Variants in EXOC4 observed in about 807,000 individuals in gnomAD.
EXOC4 encodes exocyst complex component 4.
In EXOC4, 71 loss-of-function variants were observed where a neutral mutation model predicts 107.2. That is an observed-to-expected ratio of 0.66 (90% CI 0.55 to 0.81). The LOEUF is 0.81. Among genes scored for constraint, EXOC4 ranks in the 30% least tolerant of loss-of-function variants. The pLI, the probability that EXOC4 is intolerant of heterozygous loss-of-function variation, is 0.00. For missense variants in EXOC4, 1,108 were observed against 1,189.6 expected, an observed-to-expected ratio of 0.93 and a Z score of 1.01; for synonymous variants, 456 against 441.2, an observed-to-expected ratio of 1.03 and a Z score of -0.42.
intron 14 of EXOC4, among the ~76,000 whole-genome samples, chr7:133,948,587 C>T (rs184782711): frequency 6.1e-4 from 93 of 152,138 alleles, no homozygotes; most frequent in Non-Finnish European, 1.1e-3. Context: ...GCGAGATGTG[C>T]GAATTGTATG....
intron 1 of EXOC4, among the ~76,000 whole-genome samples, chr7:133,259,699 TCCTC>T (rs1795099067): frequency 2.0e-5 from 3 of 152,220 alleles, no homozygotes; most frequent in Admixed American, 2.0e-4. Flanking sequence ...TCAGATTTTA[TCCTC>T]CTAAAGTTAT....
At chr7:133,726,323 G>T (rs1444608990) in intron 10 of EXOC4, among the ~76,000 whole-genome samples, 2 of 152,206 alleles carry the variant, frequency 1.3e-5, no homozygotes, top group African/African-American at 4.8e-5. Flanking sequence ...GTACAAGTGT[G>T]TCAAGTAAGA....
At chr7:133,551,753 G>T (rs1199511244) in intron 9 of EXOC4, 1 of 152,004 alleles carries the variant, frequency 6.6e-6, no homozygotes, top group Non-Finnish European at 1.5e-5. Context: ...TGTCCAAGAG[G>T]TAAGCAAACT....
chr7:133,479,962 A>G, intron 8 of EXOC4, 88 bp from the exon 9 acceptor site: 1 of 1,110,392 alleles, frequency 9.0e-7, no homozygotes, highest in Middle Eastern at 2.0e-4. Flanking sequence ...CACCACACAG[A>G]CCAGAGTAGA....
chr7:133,475,285 A>C, intron 7 of EXOC4, 43 bp from the exon 8 acceptor site: 1 of 1,494,436 alleles, frequency 6.7e-7, no homozygotes, highest in Non-Finnish European at 9.2e-7. Flanking sequence ...TTGCACATTA[A>C]AAATGTGTAT....
chr7:133,653,750 A>G (rs144903436), intron 10 of EXOC4, among the ~76,000 whole-genome samples: 2,014 of 152,292 alleles, frequency 0.013, 53 homozygotes, highest in African/African-American at 0.045. Context: ...CTCTCTAAAC[A>G]ACTTTCCTAT....
At chr7:133,676,123 C>G (rs1794052174) in intron 10 of EXOC4, among the ~76,000 whole-genome samples, 1 of 152,016 alleles carries the variant, frequency 6.6e-6, no homozygotes, top group South Asian at 2.1e-4. Context: ...GTCATTCATT[C>G]ATTCATTCAA....
chr7:133,363,351 C>A (rs567907463), intron 6 of EXOC4, among the ~76,000 whole-genome samples: 2 of 152,110 alleles, frequency 1.3e-5, no homozygotes, highest in South Asian at 4.2e-4. Context: ...AACTCATTAC[C>A]ATGAAAGGTC....
intron 9 of EXOC4, among the ~76,000 whole-genome samples, chr7:133,501,051 A>G (rs1437187443): frequency 6.6e-6 from 1 of 152,212 alleles, no homozygotes; most frequent in Non-Finnish European, 1.5e-5. Flanking sequence ...GGAAAGCCAT[A>G]CATGTATGTA....
At chr7:133,370,817 T>C (rs1296794370) in intron 6 of EXOC4, among the ~76,000 whole-genome samples, 1 of 152,236 alleles carries the variant, frequency 6.6e-6, no homozygotes, top group African/African-American at 2.4e-5. Context: ...TCTTTAGAAT[T>C]GTACCATTAC....
At chr7:133,841,909 G>A (rs981796866) in intron 11 of EXOC4, among the ~76,000 whole-genome samples, 9 of 152,144 alleles carry the variant, frequency 5.9e-5, no homozygotes, top group Non-Finnish European at 7.3e-5. Context: ...GTGAGAACAT[G>A]CAGTTTTGAT....
chr7:133,887,670 A>C (rs1799116345), intron 11 of EXOC4, among the ~76,000 whole-genome samples: 1 of 152,216 alleles, frequency 6.6e-6, no homozygotes, highest in Admixed American at 6.5e-5. Context: ...TATCAATAGC[A>C]TACTTGGGAC....
At chr7:133,977,365 A>G in intron 14 of EXOC4, among the ~76,000 whole-genome samples, 1 of 152,242 alleles carries the variant, frequency 6.6e-6, no homozygotes, top group Non-Finnish European at 1.5e-5. Flanking sequence ...GCAATTCATA[A>G]TGTGTTCAGT....
At chr7:133,359,673 G>T (rs539430138) in intron 6 of EXOC4, among the ~76,000 whole-genome samples, 1 of 152,142 alleles carries the variant, frequency 6.6e-6, no homozygotes, top group South Asian at 2.1e-4. Context: ...AATATATTCT[G>T]GTTGTGATGC....
In EXOC4 at chr7:133,841,546, G is replaced by A. The variant is rs182179304; in HGVS notation, c.1734+24002G>A. ...AGGTCCATTCTTATTCTACAAAGAGGTTATTTTTCCTGCCTCCTTCCTCAG... is the reference window on the plus strand; with the variant it reads ...AGGTCCATTCTTATTCTACAAAGAGATTATTTTTCCTGCCTCCTTCCTCAG... On this transcript the variant is annotated intron_variant, in intron 11 of 17. Transcript: ENST00000253861. 1.8e-3 allele frequency among the ~76,000 whole-genome samples: 269 copies of A among 152,192 alleles called. 1 individual carries two copies. The highest frequency in any genetic ancestry group is 6.4e-3 in the African/African-American group (264 of 41,526).
At chr7:133,586,948 A>T (rs1172501242) in intron 9 of EXOC4, among the ~76,000 whole-genome samples, 1 of 152,062 alleles carries the variant, frequency 6.6e-6, no homozygotes, top group African/African-American at 2.4e-5. Flanking sequence ...CTCCTGCCTC[A>T]GCCTCCTGAA....
intron 9 of EXOC4, among the ~76,000 whole-genome samples, chr7:133,615,827 CTT>C (rs1450492650): frequency 3.3e-5 from 5 of 152,100 alleles, no homozygotes; most frequent in Non-Finnish European, 7.4e-5. Flanking sequence ...GTATTTCAGA[CTT>C]TTGAAAAACA....
At chr7:134,003,770 G>A (rs140080398) in intron 15 of EXOC4, among the ~76,000 whole-genome samples, 4 of 151,870 alleles carry the variant, frequency 2.6e-5, no homozygotes, top group South Asian at 2.1e-4. Context: ...CTACGGTGGG[G>A]GATTCAAAAC....
chr7:133,362,645 T>G (rs1288572137), intron 6 of EXOC4, among the ~76,000 whole-genome samples: 1 of 152,210 alleles, frequency 6.6e-6, no homozygotes. Context: ...TAATAGAACT[T>G]TCTTATAAAA....
Sources: allele counts gnomAD v4.1 joint callset (sites outside exome capture counted in the v4.1 genomes callset), GRCh38; gene constraint gnomAD v4.1.1; transcripts MANE v1.5; gene names NCBI Gene and HGNC (gene_info 2026-07-23, HGNC 2026-07-21).